AMZ2: variants seen among roughly 807,000 people sequenced by gnomAD.
AMZ2 encodes archaelysin family metallopeptidase 2.
Under a neutral mutation model 36.7 loss-of-function variants are expected in AMZ2, and 26 were observed. The ratio of observed to expected loss-of-function variants is 0.71; its 90% CI spans 0.52 to 0.98. The LOEUF (loss-of-function observed/expected upper bound fraction) is 0.98. AMZ2 is among the 50% of genes least tolerant of loss of function. AMZ2 has a pLI of 0.00. For synonymous variants in AMZ2, 144 were observed against 149.1 expected (o/e 0.97, Z 0.25); for missense variants, 394 against 430.5 (o/e 0.92, Z 0.75).
intron 1 of AMZ2, among the ~76,000 whole-genome samples, chr17:68,214,093 C>CT (rs59760940): frequency 3.6e-4 from 52 of 142,578 alleles, no homozygotes; most frequent in East Asian, 1.6e-3. Flanking sequence ...GCTTCCTATT[C>CT]TTTTTTTTTT....
intron 1 of AMZ2, among the ~76,000 whole-genome samples, chr17:68,223,890 A>AT (rs1288530095): frequency 7.4e-5 from 7 of 95,110 alleles, no homozygotes; most frequent in African/African-American, 3.0e-4. Context: ...TAATTTATAT[A>AT]TATATATATT....
intron 1 of AMZ2, among the ~76,000 whole-genome samples, chr17:68,230,936 A>G (rs1252684931): frequency 1.3e-5 from 2 of 152,238 alleles, no homozygotes; most frequent in Admixed American, 1.3e-4. Context: ...ATTGAAAACT[A>G]GGGAAATAAA....
At chr17:68,233,130 C>A (rs1451319657) in intron 1 of AMZ2, among the ~76,000 whole-genome samples, 1 of 152,190 alleles carries the variant, frequency 6.6e-6, no homozygotes, top group Non-Finnish European at 1.5e-5. Flanking sequence ...ATGGCTGGGA[C>A]AAAGAGGATG....
Position 68,254,334 on chromosome 17 carries a change from T to C in AMZ2, c.587-70T>C. On this transcript the variant is annotated intron_variant, in intron 4 of 6. Coordinates refer to ENST00000359904, the MANE Select transcript of AMZ2 (RefSeq NM_016627.5). ...ACTCACTGGCCAGATGGGCCAGCAG[T>C]CTCTTCTTTCTTTGGTCTTTCTTCA... is the stretch of plus-strand genomic sequence containing the variant. 1.2e-5 allele frequency: 18 copies of C among 1,482,678 alleles called. 1 individual carries two copies. In the South Asian group the frequency reaches 2.4e-4, roughly 19 times the overall value. The allele number at this position is 1,482,678 out of a possible 1,614,324, so 91.8% of individuals were successfully genotyped here.
upstream of AMZ2, among the ~76,000 whole-genome samples, chr17:68,246,195 C>CAAAAAA (rs57477453): frequency 0.017 from 1,439 of 83,786 alleles, 30 homozygotes; most frequent in Non-Finnish European, 0.025. Context: ...ACTAAAAATA[C>CAAAAAA]AAAAAAAAAA....
rs556349460 is a variant in AMZ2 at position 68,235,003 on chromosome 17, A to G, written c.-66-13637A>G. Reference sequence around the variant, plus strand: ...GCACTCCAGCCTGGGCAACAAAAGCAAAACTCCAATCTTAAAAAAAAGAAA... The same window carrying G: ...GCACTCCAGCCTGGGCAACAAAAGCGAAACTCCAATCTTAAAAAAAAGAAA... On this transcript the variant is annotated intron_variant, in intron 1 of 7. Transcript: ENST00000674770. This position sits in a 1 kb window ranked among gnomAD's most constrained non-coding sequence, Gnocchi z 4.2. Among the ~76,000 whole-genome samples the G allele has an allele frequency of 1.3e-5, 2 of 152,290 alleles. No homozygotes were observed. Among genetic ancestry groups the G allele is most frequent in the South Asian group, 4.1e-4 (2 of 4,826 alleles).
At chr17:68,245,478 C>T (rs1272291571), upstream of AMZ2, among the ~76,000 whole-genome samples, 1 of 151,546 alleles carries the variant, frequency 6.6e-6, no homozygotes, top group Non-Finnish European at 1.5e-5. Context: ...AAGTCCTAGG[C>T]TCAAGTGATT....
intron 1 of AMZ2, among the ~76,000 whole-genome samples, chr17:68,240,006 G>A (rs2073869000): frequency 6.6e-6 from 1 of 152,170 alleles, no homozygotes; most frequent in African/African-American, 2.4e-5. Flanking sequence ...GACTGTTTGG[G>A]ATGCTATAAG....
Position 68,253,138 on chromosome 17 carries a change from T to G in AMZ2, c.587-1266T>G, listed in dbSNP as rs144534006. Among the ~76,000 whole-genome samples, 273 of 152,356 alleles carry G rather than the reference T, an allele frequency of 1.8e-3. 3 individuals carry two copies. Among genetic ancestry groups the G allele is most frequent in the African/African-American group, 6.1e-3 (255 of 41,588 alleles). Reference sequence around the variant, plus strand: ...TATTGGAAGAAGGAAATGTCCTTGCTGAAAGTAGTGAAATATGCTCACACT... The same window carrying G: ...TATTGGAAGAAGGAAATGTCCTTGCGGAAAGTAGTGAAATATGCTCACACT... On this transcript the variant is annotated intron_variant, in intron 4 of 6. Coordinates refer to ENST00000359904, the MANE Select transcript of AMZ2 (RefSeq NM_016627.5).
intron 1 of AMZ2, among the ~76,000 whole-genome samples, chr17:68,214,110 C>A (rs1441667751): frequency 8.0e-6 from 1 of 125,430 alleles, no homozygotes; most frequent in Non-Finnish European, 1.7e-5. Flanking sequence ...TTTTTTATTT[C>A]TTCCTCAGAT....
intron 1 of AMZ2, among the ~76,000 whole-genome samples, chr17:68,216,253 C>A (rs1219588948): frequency 6.6e-6 from 1 of 152,246 alleles, no homozygotes; most frequent in Non-Finnish European, 1.5e-5. Context: ...CTCACCTCAG[C>A]CCCCCTAGGA....
chr17:68,209,620 A>ATATATATATATATATG (rs1221082507), intron 1 of AMZ2, among the ~76,000 whole-genome samples: 6 of 80,474 alleles, frequency 7.5e-5, no homozygotes, highest in African/African-American at 2.0e-4. Flanking sequence ...GTATATATAT[A>ATATATATATATATATG]TATATATATA....
At chr17:68,209,489 C>T (rs1310409366) in intron 1 of AMZ2, among the ~76,000 whole-genome samples, 3 of 151,068 alleles carry the variant, frequency 2.0e-5, no homozygotes, top group Non-Finnish European at 4.4e-5. Context: ...CCACTATGCC[C>T]GGCCTTTAGA....
chr17:68,211,722 A>G (rs571207415), intron 1 of AMZ2, among the ~76,000 whole-genome samples: 6 of 136,672 alleles, frequency 4.4e-5, no homozygotes, highest in Admixed American at 1.5e-4. Flanking sequence ...ATGTATATAT[A>G]TGTATATGTA....
chr17:68,211,722 A>ATGTATATGTATATATG (rs781870927), intron 1 of AMZ2, among the ~76,000 whole-genome samples: 7 of 136,680 alleles, frequency 5.1e-5, no homozygotes, highest in Admixed American at 2.2e-4. Flanking sequence ...ATGTATATAT[A>ATGTATATGTATATATG]TGTATATGTA....
At chr17:68,218,379 A>G (rs2144525933) in intron 1 of AMZ2, among the ~76,000 whole-genome samples, 1 of 152,160 alleles carries the variant, frequency 6.6e-6, no homozygotes, top group East Asian at 1.9e-4. Context: ...TTGTAGAGAC[A>G]GAGTCTCACT....
intron 1 of AMZ2, among the ~76,000 whole-genome samples, chr17:68,212,738 T>C (rs1179268474): frequency 1.3e-5 from 2 of 151,840 alleles, no homozygotes; most frequent in African/African-American, 4.8e-5. Flanking sequence ...CTGGCTAATG[T>C]CTTTTGTTTG....
At chr17:68,247,558 C>T (rs1599391472), upstream of AMZ2, 3 of 905,768 alleles carry the variant, frequency 3.3e-6, no homozygotes, top group East Asian at 1.2e-4. Flanking sequence ...GGGTTCCAGC[C>T]CCCGCGGCCC....
At chr17:68,234,526 C>A (rs1355436524) in intron 1 of AMZ2, among the ~76,000 whole-genome samples, 2 of 151,464 alleles carry the variant, frequency 1.3e-5, no homozygotes, top group Non-Finnish European at 2.9e-5. Flanking sequence ...TTTGGGAGGC[C>A]GAGGTGGGAG....
Sources: allele counts gnomAD v4.1 joint callset (sites outside exome capture counted in the v4.1 genomes callset), GRCh38; gene constraint gnomAD v4.1.1; non-coding constraint Gnocchi (gnomAD v3.1); transcripts MANE v1.5; gene names NCBI Gene and HGNC (gene_info 2026-07-23, HGNC 2026-07-21).